GATA3: variants seen among roughly 807,000 people sequenced by gnomAD.
GATA3 encodes the protein GATA binding protein 3.
A neutral mutation model predicts 36.0 loss-of-function variants in GATA3; 6 were observed. The ratio of observed to expected loss-of-function variants is 0.17; its 90% CI spans 0.09 to 0.33. The LOEUF (loss-of-function observed/expected upper bound fraction) is 0.33. Ranked by LOEUF, GATA3 falls within the 10% of genes least tolerant of loss-of-function variation. The probability of loss-of-function intolerance (pLI) is 1.00; values close to 1 mark genes in which losing one functional copy is unlikely to be tolerated. For missense variants in GATA3, 514 were observed against 610.1 expected (o/e 0.84, Z 1.66); for synonymous variants, 326 against 273.0 (o/e 1.19, Z -1.92).
chr10:8,067,710 T>C (rs566269169), intron 4 of GATA3, among the ~76,000 whole-genome samples: 32 of 152,172 alleles, frequency 2.1e-4, no homozygotes, highest in East Asian at 1.4e-3. Flanking sequence ...CCCAGCTACT[T>C]GGGAGGCTGA....
chr10:8,048,212 G>A (rs1832415774), intron 1 of GATA3, among the ~76,000 whole-genome samples: 1 of 152,212 alleles, frequency 6.6e-6, no homozygotes, highest in African/African-American at 2.4e-5. Flanking sequence ...TGGGGGTTGG[G>A]GCTGTGGTTG....
chr10:8,054,355 C>T (rs1396048785), upstream of GATA3, among the ~76,000 whole-genome samples: 1 of 152,210 alleles, frequency 6.6e-6, no homozygotes, highest in African/African-American at 2.4e-5. This position sits in a 1 kb window ranked among gnomAD's most constrained non-coding sequence, Gnocchi z 4.2. Flanking sequence ...AATCGTCCAC[C>T]CGACCCGAAT....
In GATA3 at chr10:8,055,855, C is replaced by T. The variant is rs1290396136; in HGVS notation, c.200C>T (p.Ser67Leu). ...GNHVPPYYGN[S>L]VRATVQRYPP... is the part of the protein sequence containing the mutation. ...CACGTCCCGCCCTACTACGGAAACTCGGTCAGGGCCACGGTGCAGAGGTAC... is the reference window on the plus strand; with the variant it reads ...CACGTCCCGCCCTACTACGGAAACTTGGTCAGGGCCACGGTGCAGAGGTAC... Residue 67 changes from serine (S) to leucine (L), a missense_variant, in exon 2 of 6, where the codon TCG (serine) becomes TTG (leucine). Coordinates refer to ENST00000379328, the MANE Select transcript of GATA3 (RefSeq NM_001002295.2). This position sits in a 1 kb window ranked among gnomAD's most constrained non-coding sequence, Gnocchi z 5.4. 2 of 1,576,518 alleles carry T rather than the reference C, an allele frequency of 1.3e-6. No homozygotes were observed. The highest frequency in any genetic ancestry group is 1.7e-6 in the Non-Finnish European group (2 of 1,160,846).
intron 1 of GATA3, among the ~76,000 whole-genome samples, chr10:8,046,965 T>TC (rs1832397556): frequency 6.6e-6 from 1 of 152,112 alleles, no homozygotes; most frequent in Non-Finnish European, 1.5e-5. Context: ...GGGCCCATCC[T>TC]CCACTCTGCA....
chr10:8,054,039 A>C (rs558943121), upstream of GATA3, among the ~76,000 whole-genome samples: 84 of 152,340 alleles, frequency 5.5e-4, no homozygotes, highest in African/African-American at 1.9e-3. This position sits in a 1 kb window ranked among gnomAD's most constrained non-coding sequence, Gnocchi z 4.2. Flanking sequence ...GGCTCGGGAA[A>C]GAGGTGACAA....
upstream of GATA3, among the ~76,000 whole-genome samples, chr10:8,049,466 C>T (rs1306527015): frequency 6.6e-6 from 1 of 152,204 alleles, no homozygotes; most frequent in Non-Finnish European, 1.5e-5. Flanking sequence ...CATTTCAGCT[C>T]GCAAGGGAAA....
chr10:8,066,671 T>C (rs1013332942), intron 4 of GATA3, among the ~76,000 whole-genome samples: 1 of 152,142 alleles, frequency 6.6e-6, no homozygotes. Flanking sequence ...ATAGGAGAGA[T>C]GACCGAAGGG....
chr10:8,048,260 G>A (rs1187957022), intron 1 of GATA3, among the ~76,000 whole-genome samples: 1 of 152,220 alleles, frequency 6.6e-6, no homozygotes, highest in Admixed American at 6.5e-5. Flanking sequence ...GTGAGGATGT[G>A]GGTGACCAGG....
At position 8,046,606 on chromosome 10, in the gene GATA3, A is replaced by G. The variant is rs568013496; in HGVS notation, c.-370+1091A>G. On this transcript the variant is annotated intron_variant, in intron 1 of 1. Transcript: ENST00000643001. ...CTAGCCAGGCAGGTTGAGTCCATCC[A>G]GGCATCTGTAAATGAGATGCTTGGG... Among the ~76,000 whole-genome samples, 25 of 151,318 alleles carry G rather than the reference A, an allele frequency of 1.7e-4. No individual in the cohort carries two copies. In the East Asian group the frequency reaches 4.5e-3, roughly 27 times the overall value.
chr10:8,058,381 C>T lies in GATA3; in HGVS notation c.318C>T (p.His106=). 6.2e-7 allele frequency: 1 copy of T among 1,612,878 alleles called. No individual in the cohort carries two copies. Among genetic ancestry groups the T allele is most frequent in the Non-Finnish European group, 8.5e-7 (1 of 1,179,986 alleles). Reference sequence around the variant, plus strand: ...ACGGCGGCAAAGCCCTGGGCAGCCACCACACCGCCTCCCCCTGGAATCTCA... The same window carrying T: ...ACGGCGGCAAAGCCCTGGGCAGCCATCACACCGCCTCCCCCTGGAATCTCA... ...WLDGGKALGS[H]HTASPWNLSP... is the part of the protein sequence containing the mutation. The change falls in exon 3 of 6, where the codon CAC becomes CAT. Residue 106 remains histidine, a synonymous_variant. Coordinates refer to ENST00000379328, the MANE Select transcript of GATA3 (RefSeq NM_001002295.2).
intron 4 of GATA3, among the ~76,000 whole-genome samples, chr10:8,068,157 T>C (rs1270861141): frequency 1.3e-5 from 2 of 150,386 alleles, no homozygotes; most frequent in Non-Finnish European, 3.0e-5. Context: ...TCAATTTAAA[T>C]ATGTCAAAAA....
intron 3 of GATA3, among the ~76,000 whole-genome samples, chr10:8,062,978 T>C (rs1352794651): frequency 6.6e-6 from 1 of 152,224 alleles, no homozygotes; most frequent in Non-Finnish European, 1.5e-5. Context: ...TTTAAGGGAT[T>C]CTTCCAAGGA....
intron 2 of GATA3, 110 bp from the exon 3 acceptor site, chr10:8,058,195 G>A: frequency 8.0e-7 from 1 of 1,245,014 alleles, no homozygotes; most frequent in Non-Finnish European, 1.2e-6. Flanking sequence ...CCGGGCTTTT[G>A]CTGAAAAGGA....
chr10:8,060,103 T>C (rs1739078018), intron 3 of GATA3, among the ~76,000 whole-genome samples: 1 of 152,220 alleles, frequency 6.6e-6, no homozygotes, highest in Non-Finnish European at 1.5e-5. Flanking sequence ...TTTTCAGGGT[T>C]TTTTTCCAGG....
Position 8,055,518 on chromosome 10 carries a change from T to G in GATA3, c.-138T>G, listed in dbSNP as rs2131481505. On this transcript the variant is annotated 5_prime_UTR_variant, in exon 2 of 6. Coordinates refer to ENST00000379328, the MANE Select transcript of GATA3 (RefSeq NM_001002295.2). This position sits in a 1 kb window ranked among gnomAD's most constrained non-coding sequence, Gnocchi z 5.4. ...TCACCTTTGCTTCCCAGCCTTCCCA[T>G]CCCCCCACCGAAAGCAAATCATTCA... 1.1e-5 allele frequency: 10 copies of G among 896,630 alleles called. No homozygotes were observed. The highest frequency in any genetic ancestry group is 1.7e-5 in the South Asian group (1 of 60,162). 55.5% of individuals were successfully genotyped at this position (896,630 alleles called of 1,614,324 possible).
At chr10:8,059,061 A>C (rs560024983) in intron 3 of GATA3, among the ~76,000 whole-genome samples, 13 of 151,238 alleles carry the variant, frequency 8.6e-5, no homozygotes, top group Admixed American at 3.3e-4. Context: ...CTGATTTAAA[A>C]CCCCCCAATG....
intron 3 of GATA3, among the ~76,000 whole-genome samples, chr10:8,061,187 T>C (rs1195185982): frequency 1.3e-5 from 2 of 152,024 alleles, no homozygotes; most frequent in African/African-American, 4.8e-5. Flanking sequence ...ACGGTTGAAG[T>C]CGTGGTTAGG....
chr10:8,058,465 C>G lies in GATA3; in HGVS notation c.402C>G (p.Pro134=), dbSNP rs746851056. ...CCCCGGGGCCCCTCTCCGTCTACCC[C>G]CCGGCCTCGTCCTCCTCCTTGTCGG... is the stretch of plus-strand genomic sequence containing the variant. ...HGSPGPLSVY[P]PASSSSLSGG... is the part of the protein sequence containing the mutation. The change falls in exon 3 of 6, where the codon CCC becomes CCG. Residue 134 remains proline (P), a synonymous_variant. Coordinates refer to ENST00000379328, the MANE Select transcript of GATA3 (RefSeq NM_001002295.2). The G allele has an allele frequency of 6.2e-7, 1 of 1,612,826 alleles. No individual in the cohort carries two copies. The highest frequency in any genetic ancestry group is 1.1e-5 in the South Asian group (1 of 91,044).
At chr10:8,050,943 G>T (rs758568988), upstream of GATA3, 3 of 470,894 alleles carry the variant, frequency 6.4e-6, no homozygotes, top group Non-Finnish European at 1.3e-5. Flanking sequence ...CGCTTCTCCC[G>T]GCACCTCGGC....
Sources: gnomAD v4.1 joint callset for allele counts (sites outside exome capture counted in the v4.1 genomes callset) on GRCh38, gnomAD v4.1.1 for gene constraint, Gnocchi (gnomAD v3.1) non-coding constraint, MANE v1.5 for transcripts, NCBI Gene and HGNC (gene_info 2026-07-23, HGNC 2026-07-21) for gene names.